CUX1: variants seen among roughly 807,000 people sequenced by gnomAD.
The protein encoded by CUX1 is protein CASP.
A neutral mutation model predicts 158.8 loss-of-function variants in CUX1; 31 were observed. The observed-to-expected ratio is 0.20, with a 90% confidence interval of 0.15 to 0.26. CUX1 has a LOEUF of 0.26. Ranked by LOEUF, CUX1 falls within the 10% of genes least tolerant of loss-of-function variation. The probability of loss-of-function intolerance (pLI) is 1.00; values close to 1 mark genes in which losing one functional copy is unlikely to be tolerated. For missense variants in CUX1, 1,589 were observed against 2,014.6 expected (o/e 0.79, Z 4.04); for synonymous variants, 879 against 862.1 (o/e 1.02, Z -0.34).
At chr7:101,992,990 C>T (rs963336943) in intron 2 of CUX1, among the ~76,000 whole-genome samples, 12 of 151,996 alleles carry the variant, frequency 7.9e-5, no homozygotes, top group African/African-American at 1.5e-4. Flanking sequence ...TCTGGGTGGC[C>T]GACTAGGTGG....
exon 20 of CUX1, chr7:102,280,819 T>A (rs781972618): frequency 6.2e-6 from 10 of 1,612,946 alleles, no homozygotes; most frequent in Non-Finnish European, 6.8e-6. Flanking sequence ...GCAGAGGAAG[T>A]ACCTGAGCTT....
At chr7:102,197,514 C>T (rs925209948) in intron 15 of CUX1, among the ~76,000 whole-genome samples, 4 of 152,194 alleles carry the variant, frequency 2.6e-5, no homozygotes, top group East Asian at 1.9e-4. Context: ...GCCTTTGAAA[C>T]GCACTCAGCA....
intron 1 of CUX1, among the ~76,000 whole-genome samples, chr7:101,821,800 G>T (rs545477155): frequency 1.4e-5 from 2 of 138,466 alleles, no homozygotes; most frequent in Admixed American, 7.6e-5. Context: ...TTAGTCTCCC[G>T]AGTAGCTGGG....
intron 14 of CUX1, among the ~76,000 whole-genome samples, 154 bp downstream of exon 14, chr7:102,195,757 C>T (rs1327802156): frequency 6.6e-6 from 1 of 152,250 alleles, no homozygotes; most frequent in Non-Finnish European, 1.5e-5. Flanking sequence ...GGGTGCCCTC[C>T]TCCTCACCGC....
intron 3 of CUX1, among the ~76,000 whole-genome samples, chr7:102,034,013 G>T (rs184001435): frequency 1.7e-3 from 262 of 151,782 alleles, no homozygotes; most frequent in African/African-American, 5.9e-3. Flanking sequence ...GGGAGTGGTG[G>T]CAGGCACCTG....
At position 102,191,701 on chromosome 7, in the gene CUX1, G is replaced by T. The variant is rs184386221; in HGVS notation, c.1076+1830G>T. Among the ~76,000 whole-genome samples the T allele has an allele frequency of 6.2e-4, 95 of 152,200 alleles. 1 individual carries two copies. The highest frequency in any genetic ancestry group is 2.0e-4 in the Admixed American group (3 of 15,276). ...CTGGGAGTTAGTCGTCGTCTTCATT[G>T]TCGTCTTCGTTGTCTTCTTCTTTCT... is the stretch of plus-strand genomic sequence containing the variant. On this transcript the variant is annotated intron_variant, in intron 12 of 23. Coordinates refer to ENST00000292535, the MANE Select transcript of CUX1 (RefSeq NM_181552.4).
rs114570159 is a variant in CUX1, at chr7:102,066,238, G to A, written c.190-4101G>A. On this transcript the variant is annotated intron_variant, in intron 3 of 23. Coordinates refer to ENST00000292535, the MANE Select transcript of CUX1 (RefSeq NM_181552.4). ...TCATCAGCCCAGTCTCTCCTTCATC[G>A]CTCTGTGACATCCTACCTGTCTACA... Among the ~76,000 whole-genome samples, 915 of 152,024 alleles carry A rather than the reference G, an allele frequency of 6.0e-3. 9 individuals carry two copies. The highest frequency in any genetic ancestry group is 0.021 in the African/African-American group (879 of 41,452).
intron 1 of CUX1, among the ~76,000 whole-genome samples, chr7:101,879,779 A>G (rs866470825): frequency 4.6e-5 from 7 of 152,370 alleles, no homozygotes; most frequent in African/African-American, 1.7e-4. Context: ...TGATTCCTGC[A>G]GGTTCAGCTC....
intron 7 of CUX1, among the ~76,000 whole-genome samples, chr7:102,112,246 T>TTC (rs1273132251): frequency 2.7e-5 from 4 of 149,574 alleles, no homozygotes; most frequent in African/African-American, 9.8e-5. Context: ...CTCTCTCTTT[T>TTC]TTTTTTTTTT....
intron 1 of CUX1, among the ~76,000 whole-genome samples, chr7:101,853,102 C>A (rs1796447338): frequency 6.6e-6 from 1 of 152,188 alleles, no homozygotes; most frequent in Admixed American, 6.5e-5. Context: ...CTCCACCCAA[C>A]CCTAAGAATC....
intron 20 of CUX1, among the ~76,000 whole-genome samples, chr7:102,206,132 T>C (rs544790528): frequency 5.9e-5 from 9 of 152,206 alleles, no homozygotes; most frequent in Non-Finnish European, 1.0e-4. Flanking sequence ...AACAGCTGTG[T>C]GGCAGTGGCT....
At chr7:101,847,883 C>T (rs967487293) in intron 1 of CUX1, among the ~76,000 whole-genome samples, 9 of 151,536 alleles carry the variant, frequency 5.9e-5, no homozygotes, top group Admixed American at 4.6e-4. Flanking sequence ...GCCTGGCCAA[C>T]GTGGTGAAAC....
chr7:102,161,577 A>G (rs1292413158), intron 9 of CUX1, among the ~76,000 whole-genome samples: 7 of 152,226 alleles, frequency 4.6e-5, no homozygotes, highest in African/African-American at 1.7e-4. Context: ...GGCAGCAAGG[A>G]GTCCGTGCCT....
At chr7:102,217,421 C>G (rs1797343622) in intron 20 of CUX1, among the ~76,000 whole-genome samples, 1 of 152,262 alleles carries the variant, frequency 6.6e-6, no homozygotes, top group African/African-American at 2.4e-5. Context: ...TTCCCGCCAA[C>G]CACAGGGCCT....
At position 102,249,451 on chromosome 7, in the gene CUX1, A is replaced by G. The variant is rs1366762159; in HGVS notation, c.*409A>G. On this transcript the variant is annotated 3_prime_UTR_variant, in exon 24 of 24. Coordinates refer to ENST00000292535, the MANE Select transcript of CUX1 (RefSeq NM_181552.4). ...CGTGTTTTCAAGGAAGAAAACGGAA[A>G]TGTGTGGTCGAGCTTTTTTGTACCC... 7 of 986,172 alleles carry G rather than the reference A, an allele frequency of 7.1e-6. No homozygotes were observed. The East Asian group carries it at 5.6e-4, about 80-fold the overall frequency. 61.1% of individuals were successfully genotyped at this position (986,172 alleles called of 1,614,324 possible). A position where few individuals can be genotyped will look rare whatever the true frequency, so the allele number is the denominator to read the frequency against.
At chr7:101,850,957 A>T (rs1240455156) in intron 1 of CUX1, among the ~76,000 whole-genome samples, 1 of 151,980 alleles carries the variant, frequency 6.6e-6, no homozygotes, top group African/African-American at 2.4e-5. Flanking sequence ...AAAATAAAAA[A>T]ATTATCCAGG....
chr7:101,893,021 G>A (rs1562971267), intron 1 of CUX1, among the ~76,000 whole-genome samples: 1 of 151,930 alleles, frequency 6.6e-6, no homozygotes, highest in South Asian at 2.1e-4. Flanking sequence ...GAGAAATACC[G>A]TCTTCTTGTA....
intron 2 of CUX1, among the ~76,000 whole-genome samples, chr7:101,950,096 C>T (rs575117907): frequency 7.2e-5 from 11 of 152,132 alleles, no homozygotes; most frequent in Admixed American, 1.3e-4. Flanking sequence ...CTGTAACCTC[C>T]GCCTCCTGGG....
chr7:101,978,863 G>A (rs574903823), intron 2 of CUX1, among the ~76,000 whole-genome samples: 28 of 152,300 alleles, frequency 1.8e-4, no homozygotes, highest in African/African-American at 6.7e-4. Flanking sequence ...CTCCTAGAAT[G>A]CCATTCCCAT....
Sources: gnomAD v4.1 joint callset for allele counts (sites outside exome capture counted in the v4.1 genomes callset) on GRCh38, gnomAD v4.1.1 for gene constraint, MANE v1.5 for transcripts, NCBI Gene and HGNC (gene_info 2026-07-23, HGNC 2026-07-21) for gene names.